Variants in TRIB3 observed in about 807,000 individuals in gnomAD.
TRIB3 encodes tribbles pseudokinase 3.
A neutral mutation model predicts 16.6 loss-of-function variants in TRIB3; 20 were observed. The observed-to-expected ratio is 1.20, with a 90% CI of 0.85 to 1.75. The LOEUF (loss-of-function observed/expected upper bound fraction) is 1.75, where lower values mean the gene tolerates loss of function less well. Among genes scored for constraint, TRIB3 ranks in the 40% most tolerant of loss-of-function variants. The pLI is 0.00. For synonymous variants in TRIB3, 208 were observed against 217.0 expected (o/e 0.96, Z 0.36); for missense variants, 484 against 488.9 (o/e 0.99, Z 0.10).
chr20:393,163 A>G (rs1249581051), intron 3 of TRIB3, among the ~76,000 whole-genome samples: 1 of 96,258 alleles, frequency 1.0e-5, no homozygotes, highest in Non-Finnish European at 2.1e-5. Flanking sequence ...CAATTACCCA[A>G]ACTATTAACT....
At chr20:382,361 C>G (rs538424995) in intron 1 of TRIB3, 41 of 615,966 alleles carry the variant, frequency 6.7e-5, no homozygotes, top group African/African-American at 6.4e-4. Context: ...GAGGGATGGC[C>G]GGGGCCAAGG....
chr20:383,079 A>G (rs918445882), intron 1 of TRIB3, among the ~76,000 whole-genome samples: 1 of 152,158 alleles, frequency 6.6e-6, no homozygotes, highest in Admixed American at 6.5e-5. Flanking sequence ...GATGGGTTCT[A>G]GAGAGAACCC....
At chr20:395,323 G>A (rs980715124) in intron 3 of TRIB3, among the ~76,000 whole-genome samples, 19 of 151,762 alleles carry the variant, frequency 1.3e-4, no homozygotes, top group African/African-American at 4.4e-4. Context: ...CACCATGCCT[G>A]CTAATTTTCG....
At chr20:382,058 G>A (rs996703033) in intron 1 of TRIB3, among the ~76,000 whole-genome samples, 15 of 152,118 alleles carry the variant, frequency 9.9e-5, no homozygotes, top group Admixed American at 8.5e-4. Context: ...GTGGGGGTGC[G>A]GCCTTGCTCG....
At chr20:383,691 C>CA (rs1011566431) in intron 1 of TRIB3, among the ~76,000 whole-genome samples, 1 of 152,094 alleles carries the variant, frequency 6.6e-6, no homozygotes, top group African/African-American at 2.4e-5. Flanking sequence ...CTTCCTGCTT[C>CA]AGCCTCCCAA....
At chr20:382,364 G>A (rs2014685484) in intron 1 of TRIB3, 1 of 626,074 alleles carries the variant, frequency 1.6e-6, no homozygotes, top group Non-Finnish European at 2.8e-6. Flanking sequence ...GGATGGCCGG[G>A]GCCAAGGCAG....
intron 1 of TRIB3, among the ~76,000 whole-genome samples, chr20:383,010 G>A (rs763956888): frequency 2.0e-5 from 3 of 152,148 alleles, no homozygotes; most frequent in East Asian, 1.9e-4. Context: ...GAGGTCTCTC[G>A]CACCAATGCC....
At position 396,337 on chromosome 20, in the gene TRIB3, G is replaced by A; in HGVS notation, c.724G>A (p.Ala242Thr). 2 of 1,613,764 alleles carry A rather than the reference G, an allele frequency of 1.2e-6. No homozygotes were observed. Among genetic ancestry groups the A allele is most frequent in the Non-Finnish European group, 1.7e-6 (2 of 1,180,028 alleles). The change falls in exon 4 of 4, where the codon GCC (alanine) becomes ACC (threonine). Residue 242 changes from alanine to threonine, a missense_variant. Coordinates refer to ENST00000217233, the MANE Select transcript of TRIB3 (RefSeq NM_021158.5). ...SSRASYSGKA[A>T]DVWSLGVALF... Reference sequence around the variant, plus strand: ...ACGGGCCTCATACTCGGGCAAGGCAGCCGATGTCTGGAGCCTGGGCGTGGC... The same window carrying A: ...ACGGGCCTCATACTCGGGCAAGGCAACCGATGTCTGGAGCCTGGGCGTGGC...
At chr20:394,015 CTTTTTT>C (rs946746300) in intron 3 of TRIB3, among the ~76,000 whole-genome samples, 2 of 149,356 alleles carry the variant, frequency 1.3e-5, no homozygotes, top group Admixed American at 6.7e-5. Flanking sequence ...TTTTCTTTTT[CTTTTTT>C]TTCTTTCTTT....
At chr20:390,164 TA>T (rs1313794322) in intron 2 of TRIB3, among the ~76,000 whole-genome samples, 2 of 151,920 alleles carry the variant, frequency 1.3e-5, no homozygotes, top group Non-Finnish European at 2.9e-5. Context: ...TTGTTTCTAT[TA>T]AAAATACAAA....
At chr20:389,524 G>A (rs867680581) in intron 2 of TRIB3, among the ~76,000 whole-genome samples, 4 of 152,128 alleles carry the variant, frequency 2.6e-5, no homozygotes, top group Non-Finnish European at 4.4e-5. Flanking sequence ...AGTGAACAGC[G>A]GGGCAGATCC....
chr20:395,006 G>A (rs1182323037), intron 3 of TRIB3, among the ~76,000 whole-genome samples: 6 of 152,036 alleles, frequency 3.9e-5, no homozygotes, highest in African/African-American at 1.4e-4. Flanking sequence ...TGATTCATAG[G>A]ATTGGTCAGT....
In TRIB3 at chr20:382,138, C is replaced by CGCGCTT. The variant is rs1555779789; in HGVS notation, c.-1+977_-1+982dup. 2.6e-3 allele frequency among the ~76,000 whole-genome samples: 399 copies of CGCGCTT among 150,690 alleles called. 2 individuals are homozygous for CGCGCTT. The highest frequency in any genetic ancestry group is 9.1e-3 in the African/African-American group (376 of 41,424). On this transcript the variant is annotated intron_variant, in intron 1 of 3. Coordinates refer to ENST00000217233, the MANE Select transcript of TRIB3 (RefSeq NM_021158.5). ...GTGTGTGTGTGTGTGCGTGCGCGCG[C>CGCGCTT]GCGCTTGCGCTTGATGTAACCCGCC...
At position 396,564 on chromosome 20, in the gene TRIB3, G is replaced by C. The variant is rs2015135170; in HGVS notation, c.951G>C (p.Gln317His). Residue 317 changes from glutamine (Q) to histidine (H), a missense_variant, in exon 4 of 4, where the codon CAG (glutamine) becomes CAC (histidine). By Grantham distance (24) the Gln-to-His change is conservative (BLOSUM62 0). Coordinates refer to ENST00000217233, the MANE Select transcript of TRIB3 (RefSeq NM_021158.5). ...TCCTCCTGCACCCCTGGCTGCGACA[G>C]GACCCGATGCCCTTAGCCCCAACCC... ...TGILLHPWLR[Q>H]DPMPLAPTRS... 3.7e-6 allele frequency: 6 copies of C among 1,613,048 alleles called. No individual in the cohort carries two copies. Among genetic ancestry groups the C allele is most frequent in the Non-Finnish European group, 4.2e-6 (5 of 1,180,040 alleles).
Position 396,536 on chromosome 20 carries a change from G to A in TRIB3, c.923G>A (p.Gly308Asp). 1 of 1,613,168 alleles carries A rather than the reference G, an allele frequency of 6.2e-7. No individual in the cohort carries two copies. The change falls in exon 4 of 4, where the codon GGC becomes GAC. Residue 308 changes from glycine (G) to aspartate (D), a missense_variant. Transcript: ENST00000217233. ...REPAERLTAT[G>D]ILLHPWLRQD... The stretch of plus-strand genomic sequence containing the variant: ...CCAGCTGAACGGCTCACAGCCACAG[G>A]CATCCTCCTGCACCCCTGGCTGCGA...
In TRIB3 at chr20:396,756, C is replaced by G. The variant is rs758744536; in HGVS notation, c.*66C>G. 8 of 1,538,028 alleles carry G rather than the reference C, an allele frequency of 5.2e-6. No individual in the cohort carries two copies. Among genetic ancestry groups the G allele is most frequent in the Non-Finnish European group, 7.0e-6 (8 of 1,145,624 alleles). On this transcript the variant is annotated 3_prime_UTR_variant, in exon 4 of 4. Transcript: ENST00000217233. ...GTTTGGGGGTAGCTCCAAGCCTTCT[C>G]CTGCCTCTGAACTGAGCCAAACCTT...
chr20:382,600 C>G (rs1031760115), intron 1 of TRIB3: 3 of 1,531,392 alleles, frequency 2.0e-6, no homozygotes, highest in Non-Finnish European at 2.6e-6. Context: ...TAATAATGAC[C>G]ATTTCCTGAC....
chr20:386,790 C>G (rs537244181), intron 1 of TRIB3, among the ~76,000 whole-genome samples: 1 of 151,892 alleles, frequency 6.6e-6, no homozygotes, highest in Non-Finnish European at 1.5e-5. Context: ...CCAGGCTGGT[C>G]TCAAACTCCT....
chr20:387,923 ATGT>A, intron 1 of TRIB3, 85 bp from the exon 2 acceptor site: 7 of 1,470,738 alleles, frequency 4.8e-6, no homozygotes, highest in South Asian at 2.5e-5. Flanking sequence ...CCCCCTATAA[ATGT>A]TGTGCCACGT....
Sources: gnomAD v4.1 joint callset for allele counts (sites outside exome capture counted in the v4.1 genomes callset) on GRCh38, gnomAD v4.1.1 for gene constraint, MANE v1.5 for transcripts, NCBI Gene and HGNC (gene_info 2026-07-23, HGNC 2026-07-21) for gene names.